SIK3: variants seen among roughly 807,000 people sequenced by gnomAD.
SIK3 encodes serine/threonine-protein kinase SIK3.
SIK3 carries 28 observed loss-of-function variants against 144.2 expected under a neutral mutation model. That is an observed-to-expected ratio of 0.19 (90% CI 0.14 to 0.27). SIK3 has a LOEUF of 0.27. Ranked by LOEUF, SIK3 falls within the 10% of genes least tolerant of loss-of-function variation. SIK3 has a pLI of 1.00. For synonymous variants in SIK3, 686 were observed against 676.3 expected (o/e 1.01, Z -0.22); for missense variants, 1,319 against 1,776.0 (o/e 0.74, Z 4.62).
At chr11:116,847,347 A>T in intron 23 of SIK3, 129 bp downstream of exon 23, 1 of 1,326,418 alleles carries the variant, frequency 7.5e-7, no homozygotes, top group Non-Finnish European at 1.1e-6. Flanking sequence ...GGCTGTGTCC[A>T]GAACCTGTGG....
intron 1 of SIK3, among the ~76,000 whole-genome samples, chr11:117,000,489 T>A (rs1045341151): frequency 5.9e-5 from 9 of 152,184 alleles, no homozygotes; most frequent in Admixed American, 1.3e-4. Context: ...AGCCAAGAAA[T>A]AATAAAATAA....
intron 6 of SIK3, among the ~76,000 whole-genome samples, chr11:116,889,790 A>G (rs1312413971): frequency 1.3e-5 from 2 of 152,114 alleles, no homozygotes; most frequent in South Asian, 2.1e-4. Flanking sequence ...CAAGCTACTC[A>G]GGAGGCTGAG....
intron 1 of SIK3, among the ~76,000 whole-genome samples, chr11:117,018,053 G>A (rs1294167609): frequency 6.6e-6 from 1 of 152,066 alleles, no homozygotes; most frequent in African/African-American, 2.4e-5. Flanking sequence ...AAATCTTCGG[G>A]GGTAATATGA....
rs547006640 is a variant in SIK3, at chr11:116,995,144, G to A, written c.274-38080C>T. Among the ~76,000 whole-genome samples the A allele has an allele frequency of 7.2e-5, 11 of 151,804 alleles. No individual in the cohort carries two copies. The South Asian group carries it at 1.0e-3, about 14-fold the overall frequency. ...TAGCTGGGCATGATGGCGCATGCCC[G>A]TAATCCCAGCTACTCAGGAGGCTGA... is the stretch of plus-strand genomic sequence containing the variant. On this transcript the variant is annotated intron_variant, in intron 1 of 24. Coordinates refer to ENST00000445177, the MANE Select transcript of SIK3 (RefSeq NM_001366686.3).
chr11:117,096,378 C>T (rs1955470463), intron 1 of SIK3, among the ~76,000 whole-genome samples: 1 of 151,898 alleles, frequency 6.6e-6, no homozygotes, highest in African/African-American at 2.4e-5. Flanking sequence ...AGTGATTACA[C>T]AGAAAATAGG....
chr11:116,847,455 C>T, intron 23 of SIK3, 21 bp downstream of exon 23: 1 of 1,614,010 alleles, frequency 6.2e-7, no homozygotes, highest in Non-Finnish European at 8.5e-7. Context: ...TCTGGAGTGC[C>T]CCATGCATAA....
intron 1 of SIK3, among the ~76,000 whole-genome samples, chr11:117,054,855 G>A (rs889320405): frequency 6.6e-6 from 1 of 152,154 alleles, no homozygotes; most frequent in Non-Finnish European, 1.5e-5. Context: ...TGAAGGATAA[G>A]GAAGACAGGC....
At chr11:116,854,173 G>A (rs1327982724) in intron 21 of SIK3, among the ~76,000 whole-genome samples, 10 of 151,958 alleles carry the variant, frequency 6.6e-5, no homozygotes, top group Non-Finnish European at 1.0e-4. Context: ...CAGCCCCGGC[G>A]ACATAGCAAG....
chr11:117,006,394 T>C (rs1951047612), intron 1 of SIK3, among the ~76,000 whole-genome samples: 1 of 152,182 alleles, frequency 6.6e-6, no homozygotes, highest in Admixed American at 6.5e-5. Context: ...CCAGGATTTA[T>C]TCAAAGTCTC....
intron 4 of SIK3, among the ~76,000 whole-genome samples, chr11:116,914,003 A>C (rs1167319215): frequency 1.3e-5 from 2 of 152,186 alleles, no homozygotes; most frequent in Admixed American, 1.3e-4. Context: ...CTTTTAGAGA[A>C]AAGAAGATAG....
rs148998715 is a variant in SIK3, at chr11:117,062,168, T to C, written c.273+35975A>G. 5.7e-3 allele frequency among the ~76,000 whole-genome samples: 861 copies of C among 152,154 alleles called. 9 individuals carry two copies. The highest frequency in any genetic ancestry group is 0.02 in the African/African-American group (826 of 41,510). On this transcript the variant is annotated intron_variant, in intron 1 of 24. Transcript: ENST00000445177. ...GGTGAAACCCCATCTCTACTAAAAA[T>C]ACAAAAATTAGCCAGGCGTGAACTC...
chr11:116,856,655 A>G (rs1942950454), intron 21 of SIK3, among the ~76,000 whole-genome samples: 1 of 152,182 alleles, frequency 6.6e-6, no homozygotes, highest in Non-Finnish European at 1.5e-5. Context: ...GCTGGATGAC[A>G]CCCATCTGTT....
chr11:116,999,371 T>A (rs1950775094), intron 1 of SIK3, among the ~76,000 whole-genome samples: 1 of 152,240 alleles, frequency 6.6e-6, no homozygotes, highest in Non-Finnish European at 1.5e-5. Flanking sequence ...TTTCTGAAAC[T>A]CAACTTCAAT....
chr11:117,036,023 G>C (rs1426957919), intron 1 of SIK3: 1 of 1,442,104 alleles, frequency 6.9e-7, no homozygotes, highest in Non-Finnish European at 9.5e-7. Context: ...TTCTGGAGAG[G>C]GATGAAGGAG....
chr11:116,887,066 G>C (rs1944858611), intron 6 of SIK3, among the ~76,000 whole-genome samples: 1 of 152,106 alleles, frequency 6.6e-6, no homozygotes, highest in Non-Finnish European at 1.5e-5. Context: ...ACACCTAAAA[G>C]TCATTTGACT....
chr11:116,938,309 AG>A, intron 3 of SIK3, among the ~76,000 whole-genome samples: 2 of 66,060 alleles, frequency 3.0e-5, no homozygotes, highest in Non-Finnish European at 5.3e-5. Context: ...GGAGAAGAGA[AG>A]GAGAGAAAAA....
At chr11:116,874,139 A>G in intron 11 of SIK3, 83 bp from the exon 12 acceptor site, 1 of 1,324,776 alleles carries the variant, frequency 7.5e-7, no homozygotes, top group Non-Finnish European at 1.1e-6. Context: ...TGGCATTGCT[A>G]TGTTCAGTAC....
chr11:116,934,788 G>A (rs774927760), intron 3 of SIK3, among the ~76,000 whole-genome samples: 11 of 152,028 alleles, frequency 7.2e-5, no homozygotes, highest in African/African-American at 2.7e-4. Flanking sequence ...TTAAAAATCA[G>A]CCAGGCATAG....
At chr11:117,094,879 A>G (rs1186958018) in intron 1 of SIK3, among the ~76,000 whole-genome samples, 1 of 152,106 alleles carries the variant, frequency 6.6e-6, no homozygotes, top group Non-Finnish European at 1.5e-5. Flanking sequence ...GCTACTAACC[A>G]AAGTATGTCA....
Sources: gnomAD v4.1 joint callset for allele counts (sites outside exome capture counted in the v4.1 genomes callset) on GRCh38, gnomAD v4.1.1 for gene constraint, MANE v1.5 for transcripts, NCBI Gene and HGNC (gene_info 2026-07-23, HGNC 2026-07-21) for gene names.